The following CDYL variants were observed in gnomAD, a reference collection of about 807,000 sequenced individuals.
The protein encoded by CDYL is chromodomain Y-like protein.
In CDYL, 8 loss-of-function variants were observed where a neutral mutation model predicts 47.3. That is an observed-to-expected ratio of 0.17 (90% CI 0.10 to 0.31). CDYL has a LOEUF of 0.31. Among genes scored for constraint, CDYL ranks in the 10% least tolerant of loss-of-function variants. The pLI, the probability that CDYL is intolerant of heterozygous loss-of-function variation, is 1.00. For missense variants in CDYL, 471 were observed against 701.4 expected (o/e 0.67, Z 3.71); for synonymous variants, 266 against 265.0 (o/e 1.00, Z -0.04).
chr6:4,770,718 G>A (rs935118788), intron 3 of CDYL, among the ~76,000 whole-genome samples: 11 of 152,124 alleles, frequency 7.2e-5, no homozygotes, highest in Non-Finnish European at 1.0e-4. Flanking sequence ...AGAAAGGAAC[G>A]TGATCTGAAC....
At chr6:4,716,913 G>C (rs1176639275) in intron 2 of CDYL, among the ~76,000 whole-genome samples, 2 of 152,152 alleles carry the variant, frequency 1.3e-5, no homozygotes, top group Non-Finnish European at 2.9e-5. Context: ...CAAGTAGCAT[G>C]AAATAGGCAC....
intron 1 of CDYL, among the ~76,000 whole-genome samples, chr6:4,871,906 T>C (rs1000123811): frequency 1.4e-4 from 21 of 152,232 alleles, no homozygotes; most frequent in African/African-American, 5.1e-4. Context: ...GTTAGGAGCC[T>C]GCATCGTGAG....
rs185619168 is a variant in CDYL, at chr6:4,758,611, C to T, written c.186+23767C>T. ...CCGTGAGGCAGAGGTTGCCGTGAGC[C>T]GAGATCATGCCACTGCACTCCAGTC... is the stretch of plus-strand genomic sequence containing the variant. On this transcript the variant is annotated intron_variant, in intron 3 of 8. Coordinates refer to the CDYL transcript ENST00000328908. 2.5e-3 allele frequency among the ~76,000 whole-genome samples: 377 copies of T among 151,080 alleles called. 2 individuals are homozygous for T. The highest frequency in any genetic ancestry group is 0.013 in the Admixed American group (200 of 15,192).
intron 1 of CDYL, chr6:4,836,250 C>T (rs1022120412): frequency 6.1e-6 from 6 of 985,482 alleles, no homozygotes; most frequent in Non-Finnish European, 7.2e-6. Context: ...GTTTCTAAGT[C>T]AGCCACAAAT....
intron 3 of CDYL, among the ~76,000 whole-genome samples, chr6:4,751,756 G>A (rs1252480387): frequency 6.6e-6 from 1 of 152,132 alleles, no homozygotes; most frequent in Non-Finnish European, 1.5e-5. Flanking sequence ...TCTCCCAGGA[G>A]AAGAAAAAAA....
intron 3 of CDYL, among the ~76,000 whole-genome samples, chr6:4,770,586 T>C (rs1402331829): frequency 2.0e-5 from 3 of 152,238 alleles, no homozygotes; most frequent in Non-Finnish European, 4.4e-5. Flanking sequence ...TTCACATTCA[T>C]TTTGTTTAGT....
rs1491555411 is a variant in CDYL at position 4,895,257 on chromosome 6, G to GTATGTATA, written c.691+2878_691+2879insTATGTATA. 3.2e-3 allele frequency among the ~76,000 whole-genome samples: 45 copies of GTATGTATA among 14,000 alleles called. 22 individuals carry two copies. Among genetic ancestry groups the GTATGTATA allele is most frequent in the Admixed American group, 0.011 (14 of 1,262 alleles). 9.2% of individuals were successfully genotyped at this position (14,000 alleles called of 152,430 possible). ...TATATGTACAGATGTGTATATATGTGCATGTATACATGTATGTATATATGT... is the reference window on the plus strand; with the variant it reads ...TATATGTACAGATGTGTATATATGTGTATGTATACATGTATACATGTATGTATATATGT... On this transcript the variant is annotated intron_variant, in intron 2 of 6. Transcript: ENST00000397588.
At chr6:4,727,595 C>G (rs2127412842) in intron 2 of CDYL, among the ~76,000 whole-genome samples, 1 of 149,772 alleles carries the variant, frequency 6.7e-6, no homozygotes, top group East Asian at 2.0e-4. Context: ...TCCCACCCAC[C>G]CCCTCCCTCC....
intron 1 of CDYL, among the ~76,000 whole-genome samples, chr6:4,839,772 G>T (rs185322604): frequency 4.4e-4 from 67 of 152,196 alleles, no homozygotes; most frequent in Non-Finnish European, 7.9e-4. Flanking sequence ...TGTTCCATTG[G>T]TCTATGTGCT....
chr6:4,848,756 C>T (rs1363399601), intron 1 of CDYL, among the ~76,000 whole-genome samples: 1 of 152,154 alleles, frequency 6.6e-6, no homozygotes, highest in Non-Finnish European at 1.5e-5. Context: ...GATTGAGGGT[C>T]GTGGGCCTTA....
chr6:4,788,480 C>CAAAAAAAAAAAAAAAAAAAAAAAA (rs1220969716), intron 1 of CDYL, among the ~76,000 whole-genome samples: 4 of 61,064 alleles, frequency 6.6e-5, no homozygotes, highest in Admixed American at 2.3e-4. Flanking sequence ...GAGACTCTGT[C>CAAAAAAAAAAAAAAAAAAAAAAAA]AAAAAAAAAA....
intron 2 of CDYL, among the ~76,000 whole-genome samples, chr6:4,910,257 GAAC>G (rs1324801898): frequency 6.6e-6 from 1 of 152,168 alleles, no homozygotes; most frequent in Non-Finnish European, 1.5e-5. Context: ...TTAGCACCTG[GAAC>G]AACACCAGGC....
chr6:4,836,400 G>C (rs938918943), intron 1 of CDYL: 3 of 315,162 alleles, frequency 9.5e-6, no homozygotes, highest in Non-Finnish European at 9.2e-6. Flanking sequence ...TACATTTTCT[G>C]TTTGCTTCAG....
intron 2 of CDYL, chr6:4,734,652 A>G (rs566991344): frequency 6.3e-5 from 91 of 1,435,886 alleles, no homozygotes; most frequent in Non-Finnish European, 7.0e-5. Flanking sequence ...TAATTCAGGA[A>G]GGGGAGGGCA....
intron 2 of CDYL, among the ~76,000 whole-genome samples, chr6:4,920,693 A>T: frequency 6.6e-6 from 1 of 152,236 alleles, no homozygotes; most frequent in South Asian, 2.1e-4. Flanking sequence ...ATCTCGGCTC[A>T]CTGCAACCTC....
chr6:4,870,684 G>A lies in CDYL; in HGVS notation c.25-21029G>A, dbSNP rs551043656. ...CTGTTTCCCCACTCTCTGAGGTTTC[G>A]TTTTTCTTACATCTTTTTTTCTCTC... On this transcript the variant is annotated intron_variant, in intron 1 of 6. Transcript: ENST00000397588. 9.2e-5 allele frequency among the ~76,000 whole-genome samples: 14 copies of A among 151,996 alleles called. No individual in the cohort carries two copies. In the South Asian group the frequency reaches 1.2e-3, roughly 14 times the overall value.
At chr6:4,900,779 GTATATATATATATA>G (rs59594195) in intron 2 of CDYL, among the ~76,000 whole-genome samples, 6,504 of 51,748 alleles carry the variant, frequency 0.13, 1,646 homozygotes, top group Non-Finnish European at 0.19. Context: ...GTATACGTGT[GTATATATATATATA>G]TATATATATA....
intron 3 of CDYL, among the ~76,000 whole-genome samples, chr6:4,749,708 A>T (rs962296478): frequency 5.3e-5 from 8 of 152,262 alleles, no homozygotes; most frequent in African/African-American, 1.9e-4. Context: ...TTATAATCTC[A>T]TCGGAAACCT....
intron 3 of CDYL, among the ~76,000 whole-genome samples, chr6:4,750,481 C>T (rs1387918958): frequency 2.6e-5 from 4 of 151,774 alleles, no homozygotes; most frequent in South Asian, 2.1e-4. Flanking sequence ...GGATTATAGG[C>T]GTGAGCCACC....
Sources: gnomAD v4.1 joint callset for allele counts (sites outside exome capture counted in the v4.1 genomes callset) on GRCh38, gnomAD v4.1.1 for gene constraint, MANE v1.5 for transcripts, NCBI Gene and HGNC (gene_info 2026-07-23, HGNC 2026-07-21) for gene names.